Variants in ANGPT1 observed in about 807,000 individuals in gnomAD.
ANGPT1 encodes angiopoietin 1.
A neutral mutation model predicts 62.2 loss-of-function variants in ANGPT1; 17 were observed. The ratio of observed to expected loss-of-function variants is 0.27; its 90% CI spans 0.19 to 0.41. ANGPT1 has a LOEUF of 0.41. Ranked by LOEUF, ANGPT1 falls within the 10% of genes least tolerant of loss-of-function variation. ANGPT1 has a pLI of 1.00. For synonymous variants in ANGPT1, 199 were observed against 198.9 expected (o/e 1.00, Z 0.00); for missense variants, 478 against 594.9 (o/e 0.80, Z 2.04).
chr8:107,288,991 G>A lies in ANGPT1; in HGVS notation c.1039-4143C>T, dbSNP rs112460281. 9.0e-3 allele frequency among the ~76,000 whole-genome samples: 1,370 copies of A among 152,164 alleles called. 20 individuals are homozygous for A. Among genetic ancestry groups the A allele is most frequent in the African/African-American group, 0.031 (1,281 of 41,516 alleles). ...GTGCTGATATTGAAAAAGCAGCAAC[G>A]AATGAGTAAACAATTACAATACAAT... is the stretch of plus-strand genomic sequence containing the variant. On this transcript the variant is annotated intron_variant, in intron 6 of 8. Transcript: ENST00000517746.
chr8:107,374,547 T>C (rs1816487823), intron 1 of ANGPT1, among the ~76,000 whole-genome samples: 1 of 152,216 alleles, frequency 6.6e-6, no homozygotes, highest in South Asian at 2.1e-4. Context: ...TAAACTCCAA[T>C]GCCTGTTGTA....
intron 5 of ANGPT1, 180 bp from the exon 6 acceptor site, chr8:107,294,217 G>C (rs1814355395): frequency 4.5e-6 from 2 of 443,184 alleles, no homozygotes; most frequent in South Asian, 1.0e-4. Context: ...ATTCATATTT[G>C]AGTTATTTCT....
At chr8:107,305,940 T>C (rs1025197847) in intron 4 of ANGPT1, among the ~76,000 whole-genome samples, 8 of 152,050 alleles carry the variant, frequency 5.3e-5, no homozygotes, top group African/African-American at 1.4e-4. Context: ...TATTATATAC[T>C]ACGGTTTGAA....
chr8:107,251,621 C>T lies in ANGPT1; in HGVS notation c.*234G>A. 2.2e-6 allele frequency: 1 copy of T among 456,106 alleles called. No individual in the cohort carries two copies. Among genetic ancestry groups the T allele is most frequent in the East Asian group, 3.4e-5 (1 of 29,046 alleles). 28.3% of individuals were successfully genotyped at this position (456,106 alleles called of 1,614,324 possible). A position where few individuals can be genotyped will look rare whatever the true frequency, so the allele number is the denominator to read the frequency against. ...TCTTCCCTTTTTAAAGCCCGACAGT[C>T]AGTGGAGTTTTCTATAGTCGAGCCA... On this transcript the variant is annotated 3_prime_UTR_variant, in exon 9 of 9. Transcript: ENST00000517746.
At chr8:107,282,216 C>T (rs892252837) in intron 7 of ANGPT1, among the ~76,000 whole-genome samples, 2 of 151,710 alleles carry the variant, frequency 1.3e-5, no homozygotes, top group Non-Finnish European at 2.9e-5. Flanking sequence ...TTCATGTCAA[C>T]GTGAATCGTA....
chr8:107,329,142 T>C (rs890116885), intron 3 of ANGPT1, among the ~76,000 whole-genome samples: 1 of 152,064 alleles, frequency 6.6e-6, no homozygotes, highest in Admixed American at 6.6e-5. Flanking sequence ...CAATTATATA[T>C]GAGTGTACAT....
intron 1 of ANGPT1, among the ~76,000 whole-genome samples, chr8:107,445,850 T>A (rs1464615499): frequency 6.6e-6 from 1 of 152,184 alleles, no homozygotes; most frequent in Non-Finnish European, 1.5e-5. Flanking sequence ...TCTAGTATGC[T>A]ACACGTGGAA....
intron 1 of ANGPT1, among the ~76,000 whole-genome samples, chr8:107,373,154 T>C (rs1816449561): frequency 6.6e-6 from 1 of 152,190 alleles, no homozygotes; most frequent in African/African-American, 2.4e-5. Flanking sequence ...GTGCTAAAAA[T>C]GACCTCTTTG....
At chr8:107,483,350 G>A (rs772914572) in intron 1 of ANGPT1, among the ~76,000 whole-genome samples, 4 of 152,054 alleles carry the variant, frequency 2.6e-5, no homozygotes, top group African/African-American at 9.7e-5. Flanking sequence ...TCAGTTAAGA[G>A]CTTTCCTTGT....
intron 8 of ANGPT1, among the ~76,000 whole-genome samples, chr8:107,262,415 C>T (rs1813514167): frequency 6.6e-6 from 1 of 152,174 alleles, no homozygotes; most frequent in Non-Finnish European, 1.5e-5. Flanking sequence ...TTCTATGTGT[C>T]ACAGTCAGCT....
chr8:107,412,276 A>T (rs1810607919), intron 1 of ANGPT1, among the ~76,000 whole-genome samples: 1 of 152,178 alleles, frequency 6.6e-6, no homozygotes, highest in Non-Finnish European at 1.5e-5. Context: ...CTAAGAATAG[A>T]AACACTTTCA....
intron 5 of ANGPT1, among the ~76,000 whole-genome samples, chr8:107,299,333 G>T (rs1814496741): frequency 6.9e-6 from 1 of 145,140 alleles, no homozygotes; most frequent in Non-Finnish European, 1.5e-5. Context: ...ACTTTCTAAA[G>T]TAGGGATAAT....
At chr8:107,314,632 T>C (rs1011270323) in intron 4 of ANGPT1, among the ~76,000 whole-genome samples, 1 of 152,208 alleles carries the variant, frequency 6.6e-6, no homozygotes, top group Admixed American at 6.5e-5. Context: ...TTTAAGGAAA[T>C]TGTAAATGTT....
At chr8:107,495,036 A>C (rs1813057559) in intron 1 of ANGPT1, 1 of 152,234 alleles carries the variant, frequency 6.6e-6, no homozygotes, top group African/African-American at 2.4e-5. Context: ...TACAGTAAAA[A>C]GATTTCCATT....
At chr8:107,333,814 T>C (rs112057324) in intron 3 of ANGPT1, among the ~76,000 whole-genome samples, 3 of 151,420 alleles carry the variant, frequency 2.0e-5, no homozygotes, top group African/African-American at 7.3e-5. Flanking sequence ...GAGAATTCTA[T>C]AGTAGGAAAT....
At chr8:107,408,927 T>A (rs1247380860) in intron 1 of ANGPT1, among the ~76,000 whole-genome samples, 1 of 152,202 alleles carries the variant, frequency 6.6e-6, no homozygotes, top group Admixed American at 6.6e-5. Flanking sequence ...TTAAAAAGTA[T>A]TACAGGCAGC....
chr8:107,262,860 T>C (rs1813524853), intron 8 of ANGPT1, among the ~76,000 whole-genome samples: 1 of 152,220 alleles, frequency 6.6e-6, no homozygotes, highest in African/African-American at 2.4e-5. Flanking sequence ...TTGGGTTTTA[T>C]CTTAGTGTTT....
chr8:107,296,964 C>G (rs1454733913), intron 5 of ANGPT1, among the ~76,000 whole-genome samples: 1 of 151,974 alleles, frequency 6.6e-6, no homozygotes, highest in Non-Finnish European at 1.5e-5. Flanking sequence ...AAGTCACTCA[C>G]AAATTTTTGA....
chr8:107,441,219 A>G (rs1364406302), intron 1 of ANGPT1, among the ~76,000 whole-genome samples: 2 of 152,110 alleles, frequency 1.3e-5, no homozygotes, highest in Non-Finnish European at 2.9e-5. Context: ...CCTTCCAAGC[A>G]AGTGCTGTCT....
Sources: gnomAD v4.1 joint callset for allele counts (sites outside exome capture counted in the v4.1 genomes callset) on GRCh38, gnomAD v4.1.1 for gene constraint, MANE v1.5 for transcripts, NCBI Gene and HGNC (gene_info 2026-07-23, HGNC 2026-07-21) for gene names.